Variants in SLC4A8 observed in about 807,000 individuals in gnomAD.
SLC4A8 encodes solute carrier family 4 member 8, also known as electroneutral sodium bicarbonate exchanger 1.
SLC4A8 carries 40 observed loss-of-function variants against 125.0 expected under a neutral mutation model. That is an observed-to-expected ratio of 0.32 (90% confidence interval 0.25 to 0.42). The LOEUF (loss-of-function observed/expected upper bound fraction) is 0.42, where lower values mean the gene tolerates loss of function less well. Ranked by LOEUF, SLC4A8 falls within the 10% of genes least tolerant of loss-of-function variation. The pLI is 1.00. For missense variants in SLC4A8, 863 were observed against 1,355.1 expected (o/e 0.64, Z 5.70); for synonymous variants, 456 against 476.0 (o/e 0.96, Z 0.55).
At chr12:51,435,284 A>G (rs1296847561) in intron 1 of SLC4A8, among the ~76,000 whole-genome samples, 2 of 152,156 alleles carry the variant, frequency 1.3e-5, no homozygotes, top group Non-Finnish European at 2.9e-5. Flanking sequence ...ATTTTGTTCC[A>G]TCATTCCCTT....
chr12:51,424,741 G>T (rs1948899031), upstream of SLC4A8: 2 of 470,084 alleles, frequency 4.3e-6, no homozygotes, highest in African/African-American at 4.1e-5. Context: ...CCCCGCGGTA[G>T]CCCAGGGTAC....
chr12:51,495,247 G>A, intron 21 of SLC4A8, 129 bp downstream of exon 21: 1 of 749,030 alleles, frequency 1.3e-6, no homozygotes, highest in South Asian at 2.1e-5. Context: ...ACATTGCTGT[G>A]GAGCTATTAC....
At chr12:51,425,447 C>G in intron 1 of SLC4A8, 2 of 1,002,434 alleles carry the variant, frequency 2.0e-6, no homozygotes, top group Non-Finnish European at 2.4e-6. Flanking sequence ...GTTTTTATTT[C>G]TGGGGGTTTC....
intron 1 of SLC4A8, among the ~76,000 whole-genome samples, chr12:51,405,620 T>C (rs1404998903): frequency 6.6e-6 from 1 of 152,194 alleles, no homozygotes; most frequent in Non-Finnish European, 1.5e-5. Flanking sequence ...GGTCTCAAAC[T>C]CCTGGCCTCA....
intron 2 of SLC4A8, among the ~76,000 whole-genome samples, chr12:51,447,302 A>C (rs894076621): frequency 3.3e-5 from 5 of 151,982 alleles, no homozygotes; most frequent in African/African-American, 1.2e-4. Flanking sequence ...AAGTTGCCCA[A>C]GCTGGTCTCA....
intron 21 of SLC4A8, among the ~76,000 whole-genome samples, chr12:51,495,470 C>CTTTTTTTTTTTTTTTTTTTTTT (rs3028942): frequency 3.9e-5 from 3 of 76,274 alleles, no homozygotes; most frequent in African/African-American, 1.0e-4. Flanking sequence ...TTTCTTTCTT[C>CTTTTTTTTTTTTTTTTTTTTTT]TTTTTTTTTT....
intron 1 of SLC4A8, chr12:51,392,137 C>T (rs1231148547): frequency 1.3e-5 from 2 of 152,534 alleles, no homozygotes; most frequent in African/African-American, 4.8e-5. Context: ...TGCCAGGTAT[C>T]AGGTGAATCC....
At position 51,436,329 on chromosome 12, in the gene SLC4A8, T is replaced by C. The variant is rs183423498; in HGVS notation, c.49-4379T>C. 1.2e-4 allele frequency among the ~76,000 whole-genome samples: 18 copies of C among 152,324 alleles called. No individual in the cohort carries two copies. The East Asian group carries it at 3.5e-3, about 29-fold the overall frequency. Reference sequence around the variant, plus strand: ...AATTCTTCTTTGTCCTTAGAGTATATGCCACTGAGGATGTTCAGTCAGGTT... The same window carrying C: ...AATTCTTCTTTGTCCTTAGAGTATACGCCACTGAGGATGTTCAGTCAGGTT... On this transcript the variant is annotated intron_variant, in intron 1 of 24. Coordinates refer to ENST00000453097, the MANE Select transcript of SLC4A8 (RefSeq NM_001039960.3).
chr12:51,430,033 C>T (rs1385063964), intron 1 of SLC4A8, among the ~76,000 whole-genome samples: 2 of 151,896 alleles, frequency 1.3e-5, no homozygotes, highest in Non-Finnish European at 2.9e-5. Context: ...GTGCTGGGGA[C>T]TGAAGGAAAG....
At chr12:51,415,229 T>C (rs1948663865) in intron 1 of SLC4A8, among the ~76,000 whole-genome samples, 1 of 152,222 alleles carries the variant, frequency 6.6e-6, no homozygotes, top group Non-Finnish European at 1.5e-5. Context: ...AACCTAATTT[T>C]GATATCACAG....
chr12:51,474,250 G>A, intron 14 of SLC4A8, 92 bp from the exon 15 acceptor site: 2 of 757,718 alleles, frequency 2.6e-6, no homozygotes, highest in Non-Finnish European at 2.2e-6. Flanking sequence ...CAGCAAGGCA[G>A]CTCCTGACAG....
At chr12:51,485,082 G>A (rs1390945610) in intron 16 of SLC4A8, among the ~76,000 whole-genome samples, 2 of 152,168 alleles carry the variant, frequency 1.3e-5, no homozygotes, top group African/African-American at 4.8e-5. Context: ...GCAAGCAGGA[G>A]AGCAATAAGA....
At chr12:51,406,296 A>G (rs1393265975) in intron 1 of SLC4A8, among the ~76,000 whole-genome samples, 2 of 152,242 alleles carry the variant, frequency 1.3e-5, no homozygotes, top group Admixed American at 6.5e-5. Context: ...TAACATTCTA[A>G]GTCTATTCAC....
chr12:51,431,518 G>A (rs1303360446), intron 1 of SLC4A8, among the ~76,000 whole-genome samples: 3 of 152,192 alleles, frequency 2.0e-5, no homozygotes, highest in African/African-American at 7.2e-5. Flanking sequence ...GCTGCTGAAG[G>A]GTTAGAATGG....
At chr12:51,488,637 T>G in intron 17 of SLC4A8, 62 bp from the exon 18 acceptor site, 3 of 1,256,834 alleles carry the variant, frequency 2.4e-6, no homozygotes, top group Non-Finnish European at 3.3e-6. Flanking sequence ...TGATCCAGTT[T>G]GATATGTTTT....
In SLC4A8 at chr12:51,474,416, C is replaced by T; in HGVS notation, c.1979C>T (p.Ala660Val). 6.2e-7 allele frequency: 1 copy of T among 1,613,686 alleles called. No individual in the cohort carries two copies. Among genetic ancestry groups the T allele is most frequent in the Admixed American group, 1.7e-5 (1 of 60,026 alleles). ...QYWKDHNIVTAEVHWANLTVS... is the reference protein window; with the variant it reads ...QYWKDHNIVTVEVHWANLTVS... Reference sequence around the variant, plus strand: ...TGGAAGGACCACAACATCGTGACAGCAGAAGTCCACTGGGCTAACCTGACT... The same window carrying T: ...TGGAAGGACCACAACATCGTGACAGTAGAAGTCCACTGGGCTAACCTGACT... The change falls in exon 15 of 25, where the codon GCA becomes GTA. Residue 660 changes from alanine to valine, a missense_variant. By Grantham distance (64) the Ala-to-Val change is moderately conservative. This residue lies in a region of SLC4A8 where 76 missense variants were observed against 80.2 expected (regional missense o/e 0.95). Coordinates refer to ENST00000453097, the MANE Select transcript of SLC4A8 (RefSeq NM_001039960.3).
At chr12:51,496,133 G>A (rs1219571968) in intron 21 of SLC4A8, among the ~76,000 whole-genome samples, 12 of 152,130 alleles carry the variant, frequency 7.9e-5, no homozygotes, top group Non-Finnish European at 1.8e-4. Context: ...TACGTTCATG[G>A]GTTAAATAAA....
At chr12:51,460,391 CT>C (rs56820173) in intron 8 of SLC4A8, among the ~76,000 whole-genome samples, 139,817 of 151,164 alleles carry the variant, frequency 0.92, 64,715 homozygotes, top group Non-Finnish European at 0.94. Context: ...GAGACCCTGT[CT>C]TTTTTAAAAA....
In SLC4A8 at chr12:51,457,401, A is replaced by G; in HGVS notation, c.625A>G (p.Arg209Gly). 1 of 1,614,000 alleles carries G rather than the reference A, an allele frequency of 6.2e-7. No individual in the cohort carries two copies. The highest frequency in any genetic ancestry group is 8.5e-7 in the Non-Finnish European group (1 of 1,179,928). The change falls in exon 6 of 25, where the codon AGG (arginine) becomes GGG (glycine). Residue 209 changes from arginine to glycine, a missense_variant. Around this residue, in one of 6 missense-constraint regions of SLC4A8, gnomAD observed 390 missense variants for 634.4 expected, o/e 0.61. Transcript: ENST00000453097. ...GTCCAGTGACCTGAATGACAGCATG[A>G]GGGTTAAAGTGCGGGAAGCCCTTCT... The part of the protein sequence containing the change: ...ELSSDLNDSM[R>G]VKVREALLKK...
Sources: gnomAD v4.1 joint callset for allele counts (sites outside exome capture counted in the v4.1 genomes callset) on GRCh38, gnomAD v4.1.1 for gene constraint, gnomAD v4.1.1 regional missense constraint, MANE v1.5 for transcripts, NCBI Gene and HGNC (gene_info 2026-07-23, HGNC 2026-07-21) for gene names.